The following SETBP1 variants were observed in gnomAD, a reference collection of about 807,000 sequenced individuals.
The protein encoded by SETBP1 is SET-binding protein.
A neutral mutation model predicts 101.0 loss-of-function variants in SETBP1; 9 were observed. The observed-to-expected ratio is 0.09, with a 90% CI of 0.05 to 0.16. SETBP1 has a LOEUF of 0.16. Ranked by LOEUF, SETBP1 falls within the 10% of genes least tolerant of loss-of-function variation. The pLI, the probability that SETBP1 is intolerant of heterozygous loss-of-function variation, is 1.00. For missense variants in SETBP1, 1,858 were observed against 2,033.8 expected, an observed-to-expected ratio of 0.91 and a Z score of 1.66; for synonymous variants, 818 against 788.5, an observed-to-expected ratio of 1.04 and a Z score of -0.63.
Position 44,951,168 on chromosome 18 carries a change from G to C in SETBP1, c.1828G>C (p.Val610Leu). The change falls in exon 4 of 6, where the codon GTC becomes CTC. Residue 610 changes from valine (V) to leucine (L), a missense_variant. Physicochemically the swap from Val to Leu is conservative, Grantham distance 32. Transcript: ENST00000649279. This position sits in a 1 kb window ranked among gnomAD's most constrained non-coding sequence, Gnocchi z 7.8. ...TCATGAGGGAACTTCCACCAGCCCC[G>C]TCAGTCCCATCAGCCGAGAGTTTCC... is the stretch of plus-strand genomic sequence containing the variant. Reference protein sequence around the residue: ...TIHEGTSTSPVSPISREFPGT... With the variant: ...TIHEGTSTSPLSPISREFPGT... The C allele has an allele frequency of 3.7e-6, 6 of 1,614,064 alleles. No homozygotes were observed. The highest frequency in any genetic ancestry group is 5.1e-6 in the Non-Finnish European group (6 of 1,180,014).
In SETBP1 at chr18:45,064,489, G is replaced by A. The variant is rs1292406869; in HGVS notation, c.*791G>A. 6.6e-6 allele frequency: 1 copy of A among 151,180 alleles called. No individual in the cohort carries two copies. Among genetic ancestry groups the A allele is most frequent in the African/African-American group, 2.4e-5 (1 of 41,042 alleles). The allele number at this position is 151,180 out of a possible 1,614,324, so 9.4% of individuals were successfully genotyped here. A position where few individuals can be genotyped will look rare whatever the true frequency, so the allele number is the denominator to read the frequency against. On this transcript the variant is annotated 3_prime_UTR_variant, in exon 6 of 6. Coordinates refer to ENST00000649279, the MANE Select transcript of SETBP1 (RefSeq NM_015559.3). ...AGTAATCCTTAACCTGTGCTGTAAAGTTCACCCTTGGCATGCTGTTCCAAG... is the reference window on the plus strand; with the variant it reads ...AGTAATCCTTAACCTGTGCTGTAAAATTCACCCTTGGCATGCTGTTCCAAG...
At chr18:44,896,475 C>T (rs1456648745) in intron 3 of SETBP1, among the ~76,000 whole-genome samples, 3 of 152,086 alleles carry the variant, frequency 2.0e-5, no homozygotes, top group African/African-American at 7.2e-5. Flanking sequence ...AGACATCATC[C>T]CTGACCCTCC....
At chr18:45,008,167 A>T (rs982510589) in intron 4 of SETBP1, among the ~76,000 whole-genome samples, 1 of 152,150 alleles carries the variant, frequency 6.6e-6, no homozygotes, top group Non-Finnish European at 1.5e-5. Flanking sequence ...TTCTTGTGGT[A>T]TGAGCAGCAG....
At chr18:45,009,206 G>A (rs2072788018) in intron 4 of SETBP1, among the ~76,000 whole-genome samples, 1 of 152,008 alleles carries the variant, frequency 6.6e-6, no homozygotes, top group South Asian at 2.1e-4. Flanking sequence ...AATGCTTTTT[G>A]GAGTTTGCCA....
At chr18:44,917,501 A>G (rs1046056007) in intron 3 of SETBP1, among the ~76,000 whole-genome samples, 5 of 152,144 alleles carry the variant, frequency 3.3e-5, no homozygotes, top group South Asian at 2.1e-4. Context: ...CCCAGGACCA[A>G]GTTATATCTA....
intron 2 of SETBP1, among the ~76,000 whole-genome samples, chr18:44,835,674 C>G (rs916027200): frequency 2.6e-5 from 4 of 152,146 alleles, no homozygotes; most frequent in African/African-American, 9.7e-5. Flanking sequence ...ATGTTTCTTT[C>G]CCATAGGAAG....
At chr18:45,010,438 T>C (rs2072815101) in intron 4 of SETBP1, among the ~76,000 whole-genome samples, 1 of 152,230 alleles carries the variant, frequency 6.6e-6, no homozygotes, top group Non-Finnish European at 1.5e-5. Context: ...TCCTATAGTG[T>C]TTTTCTGTAA....
chr18:44,890,697 G>A (rs1390876040), intron 3 of SETBP1, among the ~76,000 whole-genome samples: 3 of 152,084 alleles, frequency 2.0e-5, no homozygotes, highest in African/African-American at 7.2e-5. Flanking sequence ...ACTTGAGAGT[G>A]CTTTGTTGCT....
intron 3 of SETBP1, among the ~76,000 whole-genome samples, chr18:44,931,814 A>T (rs1158005341): frequency 2.0e-5 from 3 of 151,954 alleles, no homozygotes; most frequent in Non-Finnish European, 2.9e-5. Context: ...CGATCCCTTC[A>T]TTTTGAGCCT....
intron 3 of SETBP1, among the ~76,000 whole-genome samples, chr18:44,884,469 G>A (rs187957722): frequency 6.6e-6 from 1 of 152,288 alleles, no homozygotes; most frequent in African/African-American, 2.4e-5. Flanking sequence ...TTGCCTGGGT[G>A]AGGAAAGTTG....
rs150938928 is a variant in SETBP1 at position 44,901,424 on chromosome 18, G to T, written c.540+32141G>T. Among the ~76,000 whole-genome samples the T allele has an allele frequency of 1.2e-3, 179 of 152,272 alleles. 1 individual carries two copies. The highest frequency in any genetic ancestry group is 4.2e-3 in the African/African-American group (173 of 41,546). Reference sequence around the variant, plus strand: ...TTCATCTAATGAATTCCGTCTTTTTGTGATTCTTTGTATTCTTAACATCAT... The same window carrying T: ...TTCATCTAATGAATTCCGTCTTTTTTTGATTCTTTGTATTCTTAACATCAT... On this transcript the variant is annotated intron_variant, in intron 3 of 5. Coordinates refer to ENST00000649279, the MANE Select transcript of SETBP1 (RefSeq NM_015559.3).
intron 2 of SETBP1, among the ~76,000 whole-genome samples, chr18:44,790,024 A>G (rs2071338052): frequency 6.6e-6 from 1 of 151,850 alleles, no homozygotes; most frequent in Admixed American, 6.6e-5. Flanking sequence ...CCAAATCCCC[A>G]CCCATCATAA....
intron 3 of SETBP1, among the ~76,000 whole-genome samples, chr18:44,874,253 C>T (rs768185872): frequency 7.9e-5 from 12 of 152,254 alleles, no homozygotes; most frequent in East Asian, 3.9e-4. Context: ...TAAATGTTTT[C>T]GAATACTCAG....
At chr18:44,957,315 T>C (rs1321878303) in intron 4 of SETBP1, among the ~76,000 whole-genome samples, 3 of 152,196 alleles carry the variant, frequency 2.0e-5, no homozygotes, top group African/African-American at 7.2e-5. Flanking sequence ...TTTGCATACT[T>C]TGACCTAAAC....
chr18:44,880,654 G>A (rs1237930712), intron 3 of SETBP1, among the ~76,000 whole-genome samples: 1 of 152,160 alleles, frequency 6.6e-6, no homozygotes. Flanking sequence ...AATCGTGGCC[G>A]AAGGTAAAGG....
intron 2 of SETBP1, among the ~76,000 whole-genome samples, chr18:44,713,912 A>G (rs1252603269): frequency 6.6e-6 from 1 of 152,232 alleles, no homozygotes; most frequent in Non-Finnish European, 1.5e-5. Context: ...AAGGCACAGA[A>G]ACAAGGCACT....
chr18:44,794,668 C>G (rs992712767), intron 2 of SETBP1, among the ~76,000 whole-genome samples: 29 of 152,178 alleles, frequency 1.9e-4, no homozygotes, highest in African/African-American at 7.0e-4. Context: ...TTACCCAGTG[C>G]TGTCCCTAAC....
At chr18:44,933,192 G>A (rs2070877143) in intron 3 of SETBP1, among the ~76,000 whole-genome samples, 1 of 152,208 alleles carries the variant, frequency 6.6e-6, no homozygotes, top group Non-Finnish European at 1.5e-5. Context: ...TCAGCTGCAG[G>A]TCTGTTGGAG....
At chr18:44,779,970 A>T (rs142433828) in intron 2 of SETBP1, among the ~76,000 whole-genome samples, 2 of 151,978 alleles carry the variant, frequency 1.3e-5, no homozygotes, top group East Asian at 3.9e-4. Flanking sequence ...ATGCACACAC[A>T]CACGCATGTG....
Sources: gnomAD v4.1 joint callset for allele counts (sites outside exome capture counted in the v4.1 genomes callset) on GRCh38, gnomAD v4.1.1 for gene constraint, Gnocchi (gnomAD v3.1) non-coding constraint, MANE v1.5 for transcripts, NCBI Gene and HGNC (gene_info 2026-07-23, HGNC 2026-07-21) for gene names.